CD53: variants seen among roughly 807,000 people sequenced by gnomAD.
CD53 encodes the protein leukocyte surface antigen CD53.
In CD53, 20 loss-of-function variants were observed where a neutral mutation model predicts 27.3. The ratio of observed to expected loss-of-function variants is 0.73; its 90% CI spans 0.52 to 1.07. CD53 has a LOEUF of 1.07. Ranked by LOEUF, CD53 falls within the 50% of genes least tolerant of loss-of-function variation. CD53 has a pLI of 0.00. For missense variants in CD53, 216 were observed against 264.0 expected (o/e 0.82, Z 1.26); for synonymous variants, 106 against 105.3 (o/e 1.01, Z -0.04).
At chr1:110,889,451 G>C (rs1172596027) in intron 1 of CD53, among the ~76,000 whole-genome samples, 4 of 151,986 alleles carry the variant, frequency 2.6e-5, no homozygotes, top group Admixed American at 2.6e-4. Flanking sequence ...CCAGCTACTC[G>C]GGAGGCTGAG....
intron 1 of CD53, among the ~76,000 whole-genome samples, chr1:110,876,567 AACTTGTTAAAGTTT>A (rs1656137454): frequency 6.6e-6 from 1 of 152,132 alleles, no homozygotes; most frequent in South Asian, 2.1e-4. Flanking sequence ...TATCTTTTAA[AACTTGTTAAAGTTT>A]ACTTGTTAAA....
chr1:110,881,096 C>T (rs1261317507), intron 1 of CD53, among the ~76,000 whole-genome samples: 3 of 152,050 alleles, frequency 2.0e-5, no homozygotes, highest in Non-Finnish European at 4.4e-5. Context: ...GAGTGATGGA[C>T]AGGAGCAAAT....
intron 3 of CD53, among the ~76,000 whole-genome samples, chr1:110,893,819 T>C (rs1402486256): frequency 6.6e-6 from 1 of 152,248 alleles, no homozygotes; most frequent in Non-Finnish European, 1.5e-5. Context: ...TTCTGTTGTG[T>C]GTTATTAGCA....
At chr1:110,899,008 G>T in intron 7 of CD53, 116 bp from the exon 8 acceptor site, 1 of 704,080 alleles carries the variant, frequency 1.4e-6, no homozygotes, top group Non-Finnish European at 2.4e-6. Flanking sequence ...AGTAATGGTT[G>T]GAAGGGTGGT....
intron 2 of CD53, 151 bp from the exon 3 acceptor site, chr1:110,892,194 G>C (rs1008590298): frequency 8.8e-6 from 6 of 683,442 alleles, no homozygotes; most frequent in Non-Finnish European, 1.6e-5. Flanking sequence ...TCCAATGTAA[G>C]CATGGAAAAG....
At chr1:110,880,674 G>T (rs1055983390) in intron 1 of CD53, among the ~76,000 whole-genome samples, 1 of 152,190 alleles carries the variant, frequency 6.6e-6, no homozygotes. Flanking sequence ...TGACTCTGCA[G>T]TGTCATGTTC....
intron 1 of CD53, among the ~76,000 whole-genome samples, chr1:110,889,451 G>A (rs1172596027): frequency 6.6e-6 from 1 of 151,986 alleles, no homozygotes; most frequent in Non-Finnish European, 1.5e-5. Context: ...CCAGCTACTC[G>A]GGAGGCTGAG....
intron 3 of CD53, among the ~76,000 whole-genome samples, chr1:110,893,614 G>A (rs578238219): frequency 1.8e-4 from 28 of 152,298 alleles, no homozygotes; most frequent in East Asian, 5.8e-4. Context: ...AAGCCACTGC[G>A]CCCAGTCTGT....
At chr1:110,894,238 T>TGC in intron 3 of CD53, 89 bp from the exon 4 acceptor site, 2 of 1,136,270 alleles carry the variant, frequency 1.8e-6, no homozygotes, top group South Asian at 2.5e-5. Flanking sequence ...CCTGTACTCG[T>TGC]GCAAATGCCC....
At chr1:110,891,319 A>G in intron 1 of CD53, 73 bp from the exon 2 acceptor site, 1 of 1,039,186 alleles carries the variant, frequency 9.6e-7, no homozygotes, top group Non-Finnish European at 1.5e-6. Context: ...GAGATCCCTG[A>G]ACATTTGTGC....
rs1340271706 is a variant in CD53 at position 110,896,515 on chromosome 1, G to A, written c.424-138G>A. The A allele has an allele frequency of 9.8e-6, 7 of 717,762 alleles. No individual in the cohort carries two copies. In the East Asian group the frequency reaches 1.8e-4, roughly 19 times the overall value. 44.5% of individuals were successfully genotyped at this position (717,762 alleles called of 1,614,324 possible). On this transcript the variant is annotated intron_variant, in intron 5 of 7. Transcript: ENST00000271324. Reference sequence around the variant, plus strand: ...AGATTAGAAAGCACTTTGTTTTAAGGAGCCCATAGCAATCAGACCAATTCT... The same window carrying A: ...AGATTAGAAAGCACTTTGTTTTAAGAAGCCCATAGCAATCAGACCAATTCT...
At chr1:110,894,167 C>T in intron 3 of CD53, 160 bp from the exon 4 acceptor site, 2 of 639,684 alleles carry the variant, frequency 3.1e-6, no homozygotes, top group South Asian at 1.8e-5. Context: ...AGAAAAAGAA[C>T]ACATATTTTC....
At chr1:110,888,789 T>C (rs904461845) in intron 1 of CD53, among the ~76,000 whole-genome samples, 5 of 152,228 alleles carry the variant, frequency 3.3e-5, no homozygotes, top group Non-Finnish European at 5.9e-5. Context: ...TTATAGCACA[T>C]AGTAATTCAG....
rs968385179 is a variant in CD53, at chr1:110,895,136, T to C, written c.423+81T>C. ...ATCCTTGGGGGCTAGTTCCTTTTTCTGGAAGTTTCAGAATCTAAGGTCCAC... is the reference window on the plus strand; with the variant it reads ...ATCCTTGGGGGCTAGTTCCTTTTTCCGGAAGTTTCAGAATCTAAGGTCCAC... On this transcript the variant is annotated intron_variant, in intron 5 of 7. Transcript: ENST00000271324. 4.8e-5 allele frequency: 50 copies of C among 1,051,486 alleles called. 1 individual carries two copies. Among genetic ancestry groups the C allele is most frequent in the Non-Finnish European group, 6.2e-5 (42 of 673,004 alleles). 65.1% of individuals were successfully genotyped at this position (1,051,486 alleles called of 1,614,324 possible). A position where few individuals can be genotyped will look rare whatever the true frequency, so the allele number is the denominator to read the frequency against.
intron 7 of CD53, 41 bp from the exon 8 acceptor site, chr1:110,899,083 T>C: frequency 6.5e-7 from 1 of 1,541,226 alleles, no homozygotes; most frequent in Non-Finnish European, 9.0e-7. Context: ...AGAAATGGCT[T>C]TTCTTATGAA....
intron 1 of CD53, among the ~76,000 whole-genome samples, chr1:110,883,666 T>C (rs1656447593): frequency 6.6e-6 from 1 of 151,972 alleles, no homozygotes; most frequent in African/African-American, 2.4e-5. Flanking sequence ...CAATAAGACA[T>C]CTGGACTAGC....
At chr1:110,886,947 A>G (rs1396498561) in intron 1 of CD53, among the ~76,000 whole-genome samples, 2 of 149,432 alleles carry the variant, frequency 1.3e-5, no homozygotes, top group Non-Finnish European at 3.0e-5. Flanking sequence ...TTCTTCAGCA[A>G]TATCTAATCT....
Position 110,891,557 on chromosome 1 carries a change from G to C in CD53, c.63+86G>C, listed in dbSNP as rs1277090183. 5 of 910,318 alleles carry C rather than the reference G, an allele frequency of 5.5e-6. No homozygotes were observed. The East Asian group carries it at 1.2e-4, about 22-fold the overall frequency. 56.4% of individuals were successfully genotyped at this position (910,318 alleles called of 1,614,324 possible). Reference sequence around the variant, plus strand: ...TCCTCTACTGAAGAGGCTGGTGTGGGGTAAAATGCATGCGTGTTTGGGTCA... The same window carrying C: ...TCCTCTACTGAAGAGGCTGGTGTGGCGTAAAATGCATGCGTGTTTGGGTCA... On this transcript the variant is annotated intron_variant, in intron 2 of 7. Coordinates refer to ENST00000271324, the MANE Select transcript of CD53 (RefSeq NM_000560.4).
intron 1 of CD53, among the ~76,000 whole-genome samples, chr1:110,881,069 G>A (rs913117640): frequency 2.6e-5 from 4 of 152,190 alleles, no homozygotes; most frequent in African/African-American, 4.8e-5. Context: ...AATACAGGGG[G>A]TGTTGCCATG....
Sources: gnomAD v4.1 joint callset for allele counts (sites outside exome capture counted in the v4.1 genomes callset) on GRCh38, gnomAD v4.1.1 for gene constraint, MANE v1.5 for transcripts, NCBI Gene and HGNC (gene_info 2026-07-23, HGNC 2026-07-21) for gene names.